PTPRN2: variants seen among roughly 807,000 people sequenced by gnomAD.
PTPRN2 encodes receptor-type tyrosine-protein phosphatase N2.
Under a neutral mutation model 118.8 loss-of-function variants are expected in PTPRN2, and 74 were observed. The ratio of observed to expected loss-of-function variants is 0.62; its 90% CI spans 0.52 to 0.76. The LOEUF is 0.76. Ranked by LOEUF, PTPRN2 falls within the 30% of genes least tolerant of loss-of-function variation. The probability of loss-of-function intolerance (pLI) is 0.00; values close to 1 mark genes in which losing one functional copy is unlikely to be tolerated. For synonymous variants in PTPRN2, 641 were observed against 608.0 expected (o/e 1.05, Z -0.80); for missense variants, 1,481 against 1,394.4 (o/e 1.06, Z -0.99).
chr7:158,233,606 A>G (rs1829314642), intron 3 of PTPRN2, among the ~76,000 whole-genome samples: 1 of 152,202 alleles, frequency 6.6e-6, no homozygotes, highest in Non-Finnish European at 1.5e-5. Flanking sequence ...GACACTCTTC[A>G]CAGAAAGAAA....
chr7:157,667,549 C>T (rs546023805), intron 13 of PTPRN2, among the ~76,000 whole-genome samples: 50 of 152,362 alleles, frequency 3.3e-4, no homozygotes, highest in African/African-American at 1.2e-3. Context: ...GCCAGACCCC[C>T]AGGGCTGTCC....
intron 11 of PTPRN2, among the ~76,000 whole-genome samples, chr7:157,971,561 ACG>A (rs1802332339): frequency 6.6e-6 from 1 of 152,232 alleles, no homozygotes; most frequent in South Asian, 2.1e-4. Flanking sequence ...CCCCCCTGGA[ACG>A]TTCCCCAGCA....
chr7:158,182,480 C>G (rs970329840), intron 5 of PTPRN2, among the ~76,000 whole-genome samples: 1 of 152,104 alleles, frequency 6.6e-6, no homozygotes, highest in South Asian at 2.1e-4. Context: ...ACTCTCCCCC[C>G]AACCCTCAGC....
chr7:157,866,442 A>G (rs972868273), intron 12 of PTPRN2, among the ~76,000 whole-genome samples: 2 of 152,104 alleles, frequency 1.3e-5, no homozygotes, highest in Non-Finnish European at 2.9e-5. Context: ...GACCATATGT[A>G]CACACACGAA....
At chr7:157,965,616 A>G (rs1383217051) in intron 11 of PTPRN2, among the ~76,000 whole-genome samples, 3 of 152,200 alleles carry the variant, frequency 2.0e-5, no homozygotes, top group Admixed American at 2.0e-4. Flanking sequence ...TGCCATGAGA[A>G]CTGGGACCTC....
chr7:158,193,047 C>T (rs1825906578), intron 4 of PTPRN2, among the ~76,000 whole-genome samples: 1 of 152,368 alleles, frequency 6.6e-6, no homozygotes, highest in African/African-American at 2.4e-5. Context: ...GCAGTGCTCT[C>T]AGCCCCTCCG....
At chr7:158,130,688 C>T (rs1467451065) in intron 9 of PTPRN2, among the ~76,000 whole-genome samples, 2 of 124,660 alleles carry the variant, frequency 1.6e-5, no homozygotes, top group African/African-American at 3.5e-5. Flanking sequence ...CATACAGACA[C>T]ACACATCTAC....
At position 158,529,015 on chromosome 7, in the gene PTPRN2, C is replaced by G. The variant is rs528300220; in HGVS notation, c.113-39230G>C. Among the ~76,000 whole-genome samples, 5 of 152,024 alleles carry G rather than the reference C, an allele frequency of 3.3e-5. No individual in the cohort carries two copies. Among genetic ancestry groups the G allele is most frequent in the Non-Finnish European group, 7.3e-5 (5 of 68,030 alleles). ...TGCTCACGAAAGTCAGCCTGGCCTT[C>G]GAGCCCACCAAGGGGCTTTGGGATC... is the stretch of plus-strand genomic sequence containing the variant. On this transcript the variant is annotated intron_variant, in intron 1 of 22. Transcript: ENST00000389418. This position sits in a 1 kb window ranked among gnomAD's most constrained non-coding sequence, Gnocchi z 4.7.
intron 3 of PTPRN2, among the ~76,000 whole-genome samples, chr7:158,265,663 G>C (rs1041818023): frequency 1.3e-5 from 2 of 152,246 alleles, no homozygotes; most frequent in Non-Finnish European, 2.9e-5. Context: ...CAGGAGGCCT[G>C]GCAGAACTGT....
intron 6 of PTPRN2, among the ~76,000 whole-genome samples, chr7:158,164,527 A>AGCGCGCACGTAGGGAAG (rs36230758): frequency 9.4e-4 from 3 of 3,188 alleles, no homozygotes; most frequent in South Asian, 3.3e-3. Flanking sequence ...TCAGAGCGGG[A>AGCGCGCACGTAGGGAAG]GCGCGCACGT....
intron 5 of PTPRN2, among the ~76,000 whole-genome samples, chr7:158,180,388 T>C (rs1018652504): frequency 6.6e-6 from 1 of 152,278 alleles, no homozygotes; most frequent in East Asian, 1.9e-4. Flanking sequence ...CCTTGTAGTA[T>C]AGTTTGGAGT....
At chr7:158,329,104 C>T (rs957874299) in intron 2 of PTPRN2, among the ~76,000 whole-genome samples, 2 of 152,226 alleles carry the variant, frequency 1.3e-5, no homozygotes. Context: ...CGGCGCACAG[C>T]CCACTGCACC....
intron 9 of PTPRN2, among the ~76,000 whole-genome samples, chr7:158,125,999 C>T (rs946585831): frequency 2.6e-5 from 4 of 151,888 alleles, no homozygotes; most frequent in Non-Finnish European, 5.9e-5. Context: ...ACTTCCTCTC[C>T]ACCACACCAG....
intron 2 of PTPRN2, among the ~76,000 whole-genome samples, chr7:158,334,650 A>ATAAGAGG (rs1563160824): frequency 4.4e-5 from 4 of 90,370 alleles, no homozygotes; most frequent in East Asian, 3.8e-4. Flanking sequence ...CACTCTCACC[A>ATAAGAGG]TAATTGGTGA....
chr7:158,387,540 A>C (rs1811541703), intron 2 of PTPRN2, among the ~76,000 whole-genome samples: 5 of 152,284 alleles, frequency 3.3e-5, no homozygotes, highest in Non-Finnish European at 4.4e-5. Context: ...TCCTGGGGGG[A>C]CTGGACTCCA....
At chr7:158,391,104 G>C (rs1159697144) in intron 2 of PTPRN2, among the ~76,000 whole-genome samples, 2 of 152,226 alleles carry the variant, frequency 1.3e-5, no homozygotes, top group Admixed American at 1.3e-4. Flanking sequence ...CAACAGCCAT[G>C]TTTCACGTTC....
At chr7:158,564,791 C>T (rs982799556) in intron 1 of PTPRN2, among the ~76,000 whole-genome samples, 1 of 152,258 alleles carries the variant, frequency 6.6e-6, no homozygotes, top group Non-Finnish European at 1.5e-5. Flanking sequence ...CACGGCAGAC[C>T]ACAGATCCCT....
chr7:158,098,813 C>T (rs1028194998), intron 10 of PTPRN2, among the ~76,000 whole-genome samples: 1 of 151,710 alleles, frequency 6.6e-6, no homozygotes, highest in Non-Finnish European at 1.5e-5. Context: ...GGGGAGAAAG[C>T]GAGAAAGCAA....
At chr7:158,292,329 T>C (rs924135972) in intron 3 of PTPRN2, among the ~76,000 whole-genome samples, 1 of 152,254 alleles carries the variant, frequency 6.6e-6, no homozygotes, top group Non-Finnish European at 1.5e-5. Context: ...GGTGAGGCTT[T>C]TCCATTAACA....
Sources: gnomAD v4.1 joint callset for allele counts (sites outside exome capture counted in the v4.1 genomes callset) on GRCh38, gnomAD v4.1.1 for gene constraint, Gnocchi (gnomAD v3.1) non-coding constraint, MANE v1.5 for transcripts, NCBI Gene and HGNC (gene_info 2026-07-23, HGNC 2026-07-21) for gene names.